CDK14: variants seen among roughly 807,000 people sequenced by gnomAD.
CDK14 encodes the protein cyclin-dependent kinase 14.
In CDK14, 34 loss-of-function variants were observed where a neutral mutation model predicts 60.7. The observed-to-expected ratio is 0.56, with a 90% CI of 0.43 to 0.75. The LOEUF (loss-of-function observed/expected upper bound fraction) is 0.75. Among genes scored for constraint, CDK14 ranks in the 30% least tolerant of loss-of-function variants. The pLI, the probability that CDK14 is intolerant of heterozygous loss-of-function variation, is 0.00. For synonymous variants in CDK14, 197 were observed against 203.7 expected (o/e 0.97, Z 0.28); for missense variants, 482 against 564.1 (o/e 0.85, Z 1.47).
chr7:90,649,833 G>C (rs1800589596), intron 2 of CDK14, among the ~76,000 whole-genome samples: 1 of 152,062 alleles, frequency 6.6e-6, no homozygotes, highest in African/African-American at 2.4e-5. Flanking sequence ...GTGTATATGT[G>C]CCACATTTTC....
intron 9 of CDK14, among the ~76,000 whole-genome samples, chr7:90,978,971 G>T (rs1267430666): frequency 6.6e-6 from 1 of 151,968 alleles, no homozygotes. Flanking sequence ...TTTTTTGCAA[G>T]TGGAGCATAA....
chr7:91,073,266 G>T (rs1427576927), intron 11 of CDK14, among the ~76,000 whole-genome samples: 1 of 152,166 alleles, frequency 6.6e-6, no homozygotes, highest in Non-Finnish European at 1.5e-5. Flanking sequence ...AGAAAGGCCA[G>T]GTGACCTACA....
At chr7:90,949,191 ATTTG>A (rs575562554) in intron 8 of CDK14, among the ~76,000 whole-genome samples, 115 of 151,636 alleles carry the variant, frequency 7.6e-4, no homozygotes, top group African/African-American at 2.5e-3. Flanking sequence ...TAGTTTTTTT[ATTTG>A]TTTGTTTTGT....
chr7:90,862,382 GA>G (rs1791037260), intron 5 of CDK14, among the ~76,000 whole-genome samples: 1 of 152,122 alleles, frequency 6.6e-6, no homozygotes. Context: ...ATACAAAGGG[GA>G]CTTCAGAACA....
intron 9 of CDK14, among the ~76,000 whole-genome samples, chr7:90,961,176 C>A (rs1794593617): frequency 1.3e-5 from 2 of 152,064 alleles, no homozygotes; most frequent in Admixed American, 1.3e-4. Flanking sequence ...TAGAGCAACT[C>A]CAAAACACAA....
chr7:90,913,389 A>C (rs1283670934), intron 7 of CDK14, among the ~76,000 whole-genome samples: 2 of 152,226 alleles, frequency 1.3e-5, no homozygotes, highest in East Asian at 3.9e-4. Flanking sequence ...TGTAGGGATC[A>C]AGGGAAAACT....
intron 5 of CDK14, among the ~76,000 whole-genome samples, chr7:90,806,813 A>G (rs886683722): frequency 6.6e-6 from 1 of 152,210 alleles, no homozygotes; most frequent in Non-Finnish European, 1.5e-5. Context: ...GTACACCAGG[A>G]GATTATATCC....
At chr7:90,933,492 T>C (rs935426808) in intron 8 of CDK14, among the ~76,000 whole-genome samples, 3 of 152,228 alleles carry the variant, frequency 2.0e-5, no homozygotes, top group African/African-American at 7.2e-5. Context: ...CTTTTCTATA[T>C]AACAGTTCGA....
chr7:90,664,486 G>A (rs565432793), intron 2 of CDK14, among the ~76,000 whole-genome samples: 2,349 of 152,208 alleles, frequency 0.015, 87 homozygotes, highest in African/African-American at 0.051. Context: ...AGACACATGG[G>A]CACGTATGTT....
chr7:90,703,345 G>T (rs1160144918), intron 2 of CDK14, among the ~76,000 whole-genome samples: 1 of 151,966 alleles, frequency 6.6e-6, no homozygotes, highest in Non-Finnish European at 1.5e-5. Context: ...TTTTACATCC[G>T]GATCTTCTCC....
chr7:91,200,483 T>C (rs1366985121), intron 14 of CDK14, among the ~76,000 whole-genome samples: 2 of 152,206 alleles, frequency 1.3e-5, no homozygotes, highest in African/African-American at 4.8e-5. Context: ...TAAGTTTGTT[T>C]TTTTCTTTTT....
chr7:90,724,923 C>T (rs2116703168), intron 2 of CDK14, among the ~76,000 whole-genome samples: 1 of 152,158 alleles, frequency 6.6e-6, no homozygotes, highest in Non-Finnish European at 1.5e-5. Flanking sequence ...CTCCAACATA[C>T]TTGTAATTCA....
chr7:91,176,321 G>A (rs966911510), intron 14 of CDK14, among the ~76,000 whole-genome samples: 4 of 152,150 alleles, frequency 2.6e-5, no homozygotes, highest in Non-Finnish European at 4.4e-5. Context: ...TGTGTAGAGG[G>A]AAATTTATAG....
chr7:91,111,305 A>T (rs1562908785), intron 12 of CDK14, among the ~76,000 whole-genome samples: 2 of 152,078 alleles, frequency 1.3e-5, no homozygotes, highest in African/African-American at 4.8e-5. Flanking sequence ...TGAGGAGGGG[A>T]AGGAGGAGAT....
At chr7:90,897,544 A>T (rs1222813372) in intron 6 of CDK14, among the ~76,000 whole-genome samples, 1 of 152,022 alleles carries the variant, frequency 6.6e-6, no homozygotes, top group Non-Finnish European at 1.5e-5. Context: ...CTATTATATT[A>T]TAAGTAAAAA....
At chr7:90,699,062 A>G (rs1043505156) in intron 2 of CDK14, among the ~76,000 whole-genome samples, 3 of 152,228 alleles carry the variant, frequency 2.0e-5, no homozygotes, top group African/African-American at 7.2e-5. Context: ...GTAGCTCCCT[A>G]TGGCTGTTTA....
At chr7:91,127,878 AT>A (rs1800001140) in intron 14 of CDK14, among the ~76,000 whole-genome samples, 1 of 152,222 alleles carries the variant, frequency 6.6e-6, no homozygotes, top group African/African-American at 2.4e-5. Context: ...CCTCGCATGT[AT>A]TCATACTAAA....
At chr7:90,804,430 C>G (rs1027530393) in intron 5 of CDK14, among the ~76,000 whole-genome samples, 1 of 152,116 alleles carries the variant, frequency 6.6e-6, no homozygotes, top group Non-Finnish European at 1.5e-5. Context: ...AACAATCACC[C>G]TTTCTGTCTG....
At chr7:91,156,518 T>C (rs1394375152) in intron 14 of CDK14, among the ~76,000 whole-genome samples, 1 of 152,010 alleles carries the variant, frequency 6.6e-6, no homozygotes, top group Non-Finnish European at 1.5e-5. Context: ...TGGCTCACCA[T>C]GACTGAAAGG....
Sources: gnomAD v4.1 joint callset for allele counts (sites outside exome capture counted in the v4.1 genomes callset) on GRCh38, gnomAD v4.1.1 for gene constraint, MANE v1.5 for transcripts, NCBI Gene and HGNC (gene_info 2026-07-23, HGNC 2026-07-21) for gene names.